CEP57L1: variants seen among roughly 807,000 people sequenced by gnomAD.
CEP57L1 encodes the protein centrosomal protein CEP57L1.
CEP57L1 carries 37 observed loss-of-function variants against 61.0 expected under a neutral mutation model. The observed-to-expected ratio is 0.61, with a 90% CI of 0.47 to 0.80. The LOEUF is 0.80. Ranked by LOEUF, CEP57L1 falls within the 30% of genes least tolerant of loss-of-function variation. The pLI, the probability that CEP57L1 is intolerant of heterozygous loss-of-function variation, is 0.00. For synonymous variants in CEP57L1, 137 were observed against 162.3 expected (o/e 0.84, Z 1.19); for missense variants, 422 against 524.7 (o/e 0.80, Z 1.91).
intron 4 of CEP57L1, among the ~76,000 whole-genome samples, chr6:109,153,231 CTTTT>C (rs34538762): frequency 1.3e-5 from 1 of 78,998 alleles, no homozygotes; most frequent in Non-Finnish European, 2.6e-5. Flanking sequence ...CTAATCTGCA[CTTTT>C]TTTTTTTTTT....
intron 1 of CEP57L1, 56 bp downstream of exon 1, chr6:109,095,631 A>G: frequency 1.7e-5 from 16 of 967,864 alleles, no homozygotes; most frequent in Non-Finnish European, 1.8e-5. Flanking sequence ...TCCTTCCTCC[A>G]TTTCCTCTGG....
At chr6:109,113,244 A>G (rs1001989090) in intron 1 of CEP57L1, among the ~76,000 whole-genome samples, 1 of 151,976 alleles carries the variant, frequency 6.6e-6, no homozygotes, top group Admixed American at 6.6e-5. Context: ...AAGCCAATTT[A>G]TCTTCATAAT....
rs140605317 is a variant in CEP57L1, at chr6:109,142,309, C to A, written c.-3-2910C>A. 1.1e-4 allele frequency among the ~76,000 whole-genome samples: 16 copies of A among 152,248 alleles called. No homozygotes were observed. The East Asian group carries it at 3.1e-3, about 29-fold the overall frequency. On this transcript the variant is annotated intron_variant, in intron 1 of 10. Coordinates refer to ENST00000517392, the MANE Select transcript of CEP57L1 (RefSeq NM_001271852.3). The stretch of plus-strand genomic sequence containing the variant: ...AAAAGGAATGAGATCATGTCCTTGG[C>A]AGAGACATGGATGGAGCTGGAAGCC...
At chr6:109,149,334 A>G (rs1179027942) in intron 3 of CEP57L1, among the ~76,000 whole-genome samples, 2 of 152,356 alleles carry the variant, frequency 1.3e-5, no homozygotes, top group Admixed American at 6.5e-5. Flanking sequence ...AGCTTTCTAC[A>G]TATGGCTAGC....
rs1046197253 is a variant in CEP57L1, at chr6:109,168,172, G to A, written c.*5202G>A. 6.6e-6 allele frequency among the ~76,000 whole-genome samples: 1 copy of A among 152,100 alleles called. No homozygotes were observed. Among genetic ancestry groups the A allele is most frequent in the African/African-American group, 2.4e-5 (1 of 41,404 alleles). On this transcript the variant is annotated 3_prime_UTR_variant, in exon 11 of 11. Transcript: ENST00000517392. ...CTTCACCTTTTTAAATTTTTTGCCT[G>A]GTAGCAGTATTGGTCTAGGATTTTC... is the stretch of plus-strand genomic sequence containing the variant.
intron 1 of CEP57L1, among the ~76,000 whole-genome samples, chr6:109,106,917 G>A (rs765000050): frequency 6.6e-6 from 1 of 152,182 alleles, no homozygotes; most frequent in Non-Finnish European, 1.5e-5. Flanking sequence ...TCCAACTTAG[G>A]TGACAGAGTG....
Position 109,146,834 on chromosome 6 carries a change from C to A in CEP57L1, c.237C>A (p.Asn79Lys), listed in dbSNP as rs1239079099. The A allele has an allele frequency of 3.7e-6, 6 of 1,610,242 alleles. No homozygotes were observed. In the South Asian group the frequency reaches 6.6e-5, roughly 18 times the overall value. The change falls in exon 3 of 11, where the codon AAC becomes AAA. Residue 79 changes from asparagine to lysine, a missense_variant. Transcript: ENST00000517392. ...TGGAGAGAACACAAGCTGAAGATAA[C>A]CTGAACATTCTTTCCAGAGAAGCAG... ...LELERTQAED[N>K]LNILSREAAQ...
intron 1 of CEP57L1, among the ~76,000 whole-genome samples, chr6:109,112,499 G>A (rs1203579025): frequency 1.3e-5 from 2 of 151,902 alleles, no homozygotes; most frequent in Non-Finnish European, 2.9e-5. Context: ...GGGTTTTTGT[G>A]TCTCTATCTC....
chr6:109,098,493 A>T (rs748308482), intron 1 of CEP57L1, among the ~76,000 whole-genome samples: 23 of 151,956 alleles, frequency 1.5e-4, no homozygotes, highest in Non-Finnish European at 3.2e-4. Context: ...CCCAGGCTGG[A>T]GTATAGTCAT....
At chr6:109,152,024 T>C (rs1198496335) in intron 4 of CEP57L1, among the ~76,000 whole-genome samples, 1 of 152,164 alleles carries the variant, frequency 6.6e-6, no homozygotes, top group East Asian at 1.9e-4. Context: ...TTTCATTAAA[T>C]TGGAACATTT....
Position 109,160,569 on chromosome 6 carries a change from TAGGG to T in CEP57L1, c.1017_1020del (p.Met339IlefsTer6). On this transcript the variant is annotated splice_acceptor_variant and coding_sequence_variant, in exon 10 of 11. Transcript: ENST00000517392. LOFTEE classifies it high-confidence loss of function. Reference sequence around the variant, plus strand: ...CTGCTTAATATTTGCTATTCTTTCATAGGGAGCACCAAGAACTACTGAAACAAAT... The same window carrying T: ...CTGCTTAATATTTGCTATTCTTTCATAGCACCAAGAACTACTGAAACAAAT... The T allele has an allele frequency of 6.3e-7, 1 of 1,596,970 alleles. No homozygotes were observed. Among genetic ancestry groups the T allele is most frequent in the Non-Finnish European group, 8.5e-7 (1 of 1,172,576 alleles).
In CEP57L1 at chr6:109,131,073, G is replaced by GT. The variant is rs1204218365; in HGVS notation, c.-3-14140dup. ...TGATTTTTCATATCTATCAAGGAAT[G>GT]TTTTTTAAGTTAATTATAAATTACA... On this transcript the variant is annotated intron_variant, in intron 1 of 10. Transcript: ENST00000517392. 2.6e-5 allele frequency among the ~76,000 whole-genome samples: 4 copies of GT among 152,110 alleles called. No homozygotes were observed. In the East Asian group the frequency reaches 7.7e-4, roughly 29 times the overall value.
intron 1 of CEP57L1, among the ~76,000 whole-genome samples, chr6:109,100,630 G>T (rs1274298300): frequency 7.7e-6 from 1 of 130,420 alleles, no homozygotes; most frequent in Non-Finnish European, 1.5e-5. Context: ...AGCTGAGATC[G>T]TTCCATTGCA....
rs774927787 is a variant in CEP57L1, at chr6:109,160,610, A to T, written c.1055A>T (p.Glu352Val). 2.5e-6 allele frequency: 4 copies of T among 1,606,302 alleles called. No individual in the cohort carries two copies. The highest frequency in any genetic ancestry group is 3.4e-6 in the Non-Finnish European group (4 of 1,177,504). ...CTACTGAAACAAATGAAGGAAACTGAAAGTCATTCAGTCTGTGACGACATA... is the reference window on the plus strand; with the variant it reads ...CTACTGAAACAAATGAAGGAAACTGTAAGTCATTCAGTCTGTGACGACATA... Reference protein sequence around the residue: ...QELLKQMKETESHSVCDDIEC... With the variant: ...QELLKQMKETVSHSVCDDIEC... Residue 352 changes from glutamate (E) to valine (V), a missense_variant, in exon 10 of 11, where the codon GAA becomes GTA. Glu to Val is a moderately radical substitution (Grantham distance 121, BLOSUM62 -2). Coordinates refer to ENST00000517392, the MANE Select transcript of CEP57L1 (RefSeq NM_001271852.3).
intron 1 of CEP57L1, among the ~76,000 whole-genome samples, chr6:109,105,424 G>A (rs1763456088): frequency 6.6e-6 from 1 of 152,160 alleles, no homozygotes; most frequent in South Asian, 2.1e-4. Flanking sequence ...TTGGCATAGT[G>A]AATATTGAAT....
At chr6:109,146,311 G>A (rs1198174782) in intron 2 of CEP57L1, among the ~76,000 whole-genome samples, 1 of 151,832 alleles carries the variant, frequency 6.6e-6, no homozygotes, top group Non-Finnish European at 1.5e-5. Context: ...CAGTAAATAT[G>A]TGTGATTTGA....
chr6:109,105,318 A>G (rs748276346), intron 1 of CEP57L1, among the ~76,000 whole-genome samples: 1 of 152,176 alleles, frequency 6.6e-6, no homozygotes, highest in Non-Finnish European at 1.5e-5. Context: ...GTTCACGTAT[A>G]GATGTTCAGT....
In CEP57L1 at chr6:109,166,158, G is replaced by C. The variant is rs529570177; in HGVS notation, c.*3188G>C. On this transcript the variant is annotated 3_prime_UTR_variant, in exon 11 of 11. Transcript: ENST00000517392. ...TATTAGGTTGTAGATAAAGACAGGA[G>C]GGTCAGAGGGAAATGTTCAGTTTTC... 2.6e-5 allele frequency among the ~76,000 whole-genome samples: 4 copies of C among 152,266 alleles called. No homozygotes were observed. Among genetic ancestry groups the C allele is most frequent in the Non-Finnish European group, 4.4e-5 (3 of 68,026 alleles).
At chr6:109,128,595 A>G (rs1256129391) in intron 1 of CEP57L1, among the ~76,000 whole-genome samples, 1 of 152,106 alleles carries the variant, frequency 6.6e-6, no homozygotes, top group Admixed American at 6.5e-5. Flanking sequence ...TATGTCCTTA[A>G]TTACCTCCCT....
Sources: allele counts gnomAD v4.1 joint callset (sites outside exome capture counted in the v4.1 genomes callset), GRCh38; gene constraint gnomAD v4.1.1; transcripts MANE v1.5; gene names NCBI Gene and HGNC (gene_info 2026-07-23, HGNC 2026-07-21).